The following MORC2 variants were observed in gnomAD, a reference collection of about 807,000 sequenced individuals.
MORC2 encodes the protein MORC family CW-type zinc finger 2.
Under a neutral mutation model 136.0 loss-of-function variants are expected in MORC2, and 30 were observed. That is an observed-to-expected ratio of 0.22 (90% CI 0.17 to 0.30). The LOEUF (loss-of-function observed/expected upper bound fraction) is 0.30. Among genes scored for constraint, MORC2 ranks in the 10% least tolerant of loss-of-function variants. The pLI, the probability that MORC2 is intolerant of heterozygous loss-of-function variation, is 1.00. For synonymous variants in MORC2, 439 were observed against 487.0 expected, an observed-to-expected ratio of 0.90 and a Z score of 1.30; for missense variants, 922 against 1,333.1, an observed-to-expected ratio of 0.69 and a Z score of 4.80.
intron 1 of MORC2, chr22:30,967,202 A>T: frequency 1.0e-6 from 1 of 985,720 alleles, no homozygotes; most frequent in African/African-American, 1.7e-5. Context: ...TTACTCCTTC[A>T]TGAACTCAAG....
At chr22:30,943,785 G>C (rs543144610) in intron 6 of MORC2, among the ~76,000 whole-genome samples, 1 of 152,200 alleles carries the variant, frequency 6.6e-6, no homozygotes, top group Non-Finnish European at 1.5e-5. Context: ...GCCCAGGCTG[G>C]AGTGCGATGG....
intron 2 of MORC2, among the ~76,000 whole-genome samples, chr22:30,957,050 A>C (rs1372295984): frequency 6.6e-6 from 1 of 152,188 alleles, no homozygotes; most frequent in East Asian, 1.9e-4. Context: ...TATTTTTTTT[A>C]AATCCTGATT....
At chr22:30,960,202 G>T (rs2041023367) in intron 1 of MORC2, among the ~76,000 whole-genome samples, 1 of 152,096 alleles carries the variant, frequency 6.6e-6, no homozygotes, top group African/African-American at 2.4e-5. Flanking sequence ...CCTGACCTCA[G>T]GTGATCTGCC....
intron 6 of MORC2, among the ~76,000 whole-genome samples, chr22:30,942,861 C>T (rs906880926): frequency 2.0e-5 from 3 of 151,940 alleles, no homozygotes; most frequent in Admixed American, 6.6e-5. Flanking sequence ...AAAAATTAGC[C>T]GGGCGTGGCA....
At chr22:30,943,500 T>G (rs1602493024) in intron 6 of MORC2, among the ~76,000 whole-genome samples, 3 of 152,270 alleles carry the variant, frequency 2.0e-5, no homozygotes, top group South Asian at 2.1e-4. Context: ...AAAATCCTAC[T>G]CTTTCTTCAA....
rs12159387 is a variant in MORC2 at position 30,944,705 on chromosome 22, C to A, written c.426+1636G>T. On this transcript the variant is annotated intron_variant, in intron 6 of 25. Transcript: ENST00000397641. ...AGACCCCACTCCCCAACTGCCACAG[C>A]AGAACCTATGAGTCATCCATGACTC... 3.3e-3 allele frequency among the ~76,000 whole-genome samples: 500 copies of A among 152,328 alleles called. 1 individual carries two copies. The highest frequency in any genetic ancestry group is 0.011 in the African/African-American group (472 of 41,574).
At position 30,926,777 on chromosome 22, in the gene MORC2, C is replaced by T; in HGVS notation, c.*26G>A. 1 of 1,604,112 alleles carries T rather than the reference C, an allele frequency of 6.2e-7. No individual in the cohort carries two copies. The highest frequency in any genetic ancestry group is 8.5e-7 in the Non-Finnish European group (1 of 1,172,702). ...GCTACAGGGTTGAGGGGCAGGTGGG[C>T]AGGGGAGCTGCTCTCTCTCCTGCCT... On this transcript the variant is annotated 3_prime_UTR_variant, in exon 26 of 26. Transcript: ENST00000397641.
At chr22:30,963,408 T>C (rs2041079284) in intron 1 of MORC2, 7 of 706,762 alleles carry the variant, frequency 9.9e-6, no homozygotes, top group Admixed American at 6.5e-5. Context: ...TTTTGAGAGA[T>C]GGAGTCTTGC....
intron 1 of MORC2, chr22:30,963,407 A>C: frequency 1.4e-6 from 1 of 708,104 alleles, no homozygotes; most frequent in Non-Finnish European, 1.7e-6. Context: ...TTTTTGAGAG[A>C]TGGAGTCTTG....
Position 30,937,668 on chromosome 22 carries a change from G to C in MORC2, c.1413C>G (p.Leu471=), listed in dbSNP as rs2040674493. The C allele has an allele frequency of 1.2e-6, 2 of 1,614,108 alleles. No homozygotes were observed. Among genetic ancestry groups the C allele is most frequent in the Admixed American group, 1.7e-5 (1 of 60,022 alleles). ...ATGGGGGCTGGTTCCAGTTGGCAGA[G>C]AGGTAGCCAAACTCATCCCAGAACT... The part of the protein sequence containing the change: ...IIKFWDEFGY[L]SANWNQPPSS... Residue 471 remains leucine, a synonymous_variant, in exon 15 of 26, where the codon CTC becomes CTG. Coordinates refer to ENST00000397641, the MANE Select transcript of MORC2 (RefSeq NM_001303256.3). This position sits in a 1 kb window ranked among gnomAD's most constrained non-coding sequence, Gnocchi z 4.7.
At chr22:30,961,481 T>C (rs889090260) in intron 1 of MORC2, among the ~76,000 whole-genome samples, 1 of 152,226 alleles carries the variant, frequency 6.6e-6, no homozygotes, top group African/African-American at 2.4e-5. Context: ...ATTCATTTTA[T>C]ATACCCTAAA....
chr22:30,927,321 G>C (rs1265403496), intron 25 of MORC2, among the ~76,000 whole-genome samples: 1 of 151,798 alleles, frequency 6.6e-6, no homozygotes, highest in Non-Finnish European at 1.5e-5. Context: ...CCCCTCCAGT[G>C]ATCTCCACTG....
chr22:30,967,464 A>C, intron 1 of MORC2: 1 of 1,032,174 alleles, frequency 9.7e-7, no homozygotes, highest in Non-Finnish European at 1.2e-6. Context: ...TTGTCACTAC[A>C]GAGGGGAAAC....
Position 30,934,935 on chromosome 22 carries a change from G to C in MORC2, c.2039C>G (p.Thr680Ser). The C allele has an allele frequency of 6.2e-7, 1 of 1,614,192 alleles. No individual in the cohort carries two copies. Among genetic ancestry groups the C allele is most frequent in the East Asian group, 2.2e-5 (1 of 44,878 alleles). The change falls in exon 19 of 26, where the codon ACT becomes AGT. Residue 680 changes from threonine (T) to serine (S), a missense_variant. Physicochemically the swap from Thr to Ser is moderately conservative, Grantham distance 58 (BLOSUM62 1). Around this residue, in one of 9 missense-constraint regions of MORC2, gnomAD observed 184 missense variants for 180.3 expected, o/e 1.02. Transcript: ENST00000397641. The surrounding 1 kb of genome is among the most constrained non-coding windows in gnomAD (Gnocchi z 4.4). ...AGGTCGGGATGCAGTCTTGACGAGA[G>C]TGTTGGCAGGCTTTCGGGGTGCCTC... Reference protein sequence around the residue: ...PPEAPRKPANTLVKTASRPAP... With the variant: ...PPEAPRKPANSLVKTASRPAP...
chr22:30,926,968 G>C, intron 25 of MORC2, 97 bp from the exon 26 acceptor site: 1 of 1,024,926 alleles, frequency 9.8e-7, no homozygotes, highest in Non-Finnish European at 1.5e-6. Context: ...GGAGCCCAGA[G>C]TCCTCTCCCT....
chr22:30,930,720 G>A (rs892800222), intron 24 of MORC2, among the ~76,000 whole-genome samples: 3 of 152,074 alleles, frequency 2.0e-5, no homozygotes, highest in Non-Finnish European at 2.9e-5. Flanking sequence ...CATTCCCATT[G>A]TCTTTTCTCT....
chr22:30,944,171 G>A (rs2040780835), intron 6 of MORC2, among the ~76,000 whole-genome samples: 1 of 152,154 alleles, frequency 6.6e-6, no homozygotes, highest in South Asian at 2.1e-4. Context: ...GGCTGAGTTT[G>A]CACTAGAGTA....
chr22:30,926,991 C>T (rs898560671), intron 25 of MORC2, 120 bp from the exon 26 acceptor site: 15 of 718,084 alleles, frequency 2.1e-5, no homozygotes, highest in South Asian at 6.9e-5. Context: ...CCTCCCACCC[C>T]GCCCTGGATG....
rs2147246767 is a variant in MORC2, at chr22:30,934,327, G to A, written c.2194-136C>T. 4.6e-6 allele frequency: 6 copies of A among 1,300,102 alleles called. No homozygotes were observed. The highest frequency in any genetic ancestry group is 4.2e-4 in the Middle Eastern group (2 of 4,752). The allele number at this position is 1,300,102 out of a possible 1,614,324, so 80.5% of individuals were successfully genotyped here. A position where few individuals can be genotyped will look rare whatever the true frequency, so the allele number is the denominator to read the frequency against. Reference sequence around the variant, plus strand: ...ATCCCTGCCTGACATTACTTGGAATGTACACAGGCAACCCACTGGCCCCTG... The same window carrying A: ...ATCCCTGCCTGACATTACTTGGAATATACACAGGCAACCCACTGGCCCCTG... On this transcript the variant is annotated intron_variant, in intron 19 of 25. Transcript: ENST00000397641. The surrounding 1 kb of genome is among the most constrained non-coding windows in gnomAD (Gnocchi z 4.4).
Sources: gnomAD v4.1 joint callset for allele counts (sites outside exome capture counted in the v4.1 genomes callset) on GRCh38, gnomAD v4.1.1 for gene constraint, gnomAD v4.1.1 regional missense constraint, Gnocchi (gnomAD v3.1) non-coding constraint, MANE v1.5 for transcripts, NCBI Gene and HGNC (gene_info 2026-07-23, HGNC 2026-07-21) for gene names.